The following FNDC3B variants were observed in gnomAD, a reference collection of about 807,000 sequenced individuals.
FNDC3B encodes fibronectin type III domain containing 3B.
Under a neutral mutation model 151.5 loss-of-function variants are expected in FNDC3B, and 12 were observed. The ratio of observed to expected loss-of-function variants is 0.08; its 90% CI spans 0.05 to 0.13. FNDC3B has a LOEUF of 0.13. FNDC3B is among the 10% of genes least tolerant of loss of function. FNDC3B has a pLI of 1.00. For missense variants in FNDC3B, 1,214 were observed against 1,505.3 expected (o/e 0.81, Z 3.20); for synonymous variants, 528 against 549.0 (o/e 0.96, Z 0.54).
At chr3:172,306,611 A>T (rs1700078593) in intron 9 of FNDC3B, among the ~76,000 whole-genome samples, 2 of 152,252 alleles carry the variant, frequency 1.3e-5, no homozygotes, top group Non-Finnish European at 2.9e-5. Flanking sequence ...AAATCAGCAT[A>T]GCCCTATTTT....
chr3:172,363,452 G>A (rs1037886014), intron 23 of FNDC3B, among the ~76,000 whole-genome samples: 2 of 152,138 alleles, frequency 1.3e-5, no homozygotes, highest in Non-Finnish European at 2.9e-5. Context: ...GAAAATGTCC[G>A]ATCAGAAGAC....
intron 3 of FNDC3B, among the ~76,000 whole-genome samples, chr3:172,171,875 T>TTA (rs1723302767): frequency 6.6e-6 from 1 of 152,142 alleles, no homozygotes; most frequent in African/African-American, 2.4e-5. Context: ...GCCCTGTACT[T>TTA]TAGCACCACT....
chr3:172,254,339 A>G (rs2108779758), intron 6 of FNDC3B, among the ~76,000 whole-genome samples: 2 of 152,172 alleles, frequency 1.3e-5, no homozygotes, highest in South Asian at 4.1e-4. Context: ...CAGAATCTTC[A>G]TACCACTTTT....
chr3:172,298,841 A>G, intron 9 of FNDC3B, 54 bp downstream of exon 9: 1 of 1,298,060 alleles, frequency 7.7e-7, no homozygotes, highest in Non-Finnish European at 1.1e-6. Context: ...TGGCTAAAGC[A>G]AAAACATGTA....
chr3:172,362,567 A>T, intron 22 of FNDC3B, 66 bp from the exon 23 acceptor site: 1 of 1,185,112 alleles, frequency 8.4e-7, no homozygotes, highest in Non-Finnish European at 1.3e-6. Flanking sequence ...CTCAATGTTT[A>T]TTTCGAATGA....
chr3:172,075,047 G>T (rs973531308), intron 1 of FNDC3B, among the ~76,000 whole-genome samples: 1 of 152,114 alleles, frequency 6.6e-6, no homozygotes, highest in South Asian at 2.1e-4. Context: ...CCTTGTCTTT[G>T]TGTCTTCTAA....
intron 3 of FNDC3B, among the ~76,000 whole-genome samples, chr3:172,206,053 G>A (rs937751933): frequency 1.3e-5 from 2 of 152,132 alleles, no homozygotes; most frequent in Admixed American, 1.3e-4. Flanking sequence ...ATTGAGCGGG[G>A]ATATGTTTAT....
At chr3:172,354,745 T>C (rs1162973354) in intron 22 of FNDC3B, among the ~76,000 whole-genome samples, 3 of 151,962 alleles carry the variant, frequency 2.0e-5, no homozygotes, top group African/African-American at 4.8e-5. Context: ...CTTTTTTCTG[T>C]CCTATAAATT....
At chr3:172,060,447 A>C (rs1717142536) in intron 1 of FNDC3B, among the ~76,000 whole-genome samples, 1 of 152,048 alleles carries the variant, frequency 6.6e-6, no homozygotes, top group African/African-American at 2.4e-5. Context: ...ATGGTGAGAG[A>C]AAACCCTAAA....
At chr3:172,394,105 C>CAAAAAAAAAA (rs1736152891) in intron 25 of FNDC3B, among the ~76,000 whole-genome samples, 1 of 6,228 alleles carries the variant, frequency 1.6e-4, no homozygotes, top group African/African-American at 4.9e-4. Flanking sequence ...GAGACTCCTT[C>CAAAAAAAAAA]TAAAAAAAAA....
At chr3:172,208,245 T>C (rs1725531637) in intron 3 of FNDC3B, among the ~76,000 whole-genome samples, 1 of 152,202 alleles carries the variant, frequency 6.6e-6, no homozygotes, top group South Asian at 2.1e-4. Context: ...TCTGACATTT[T>C]CCCCCAACTC....
intron 6 of FNDC3B, among the ~76,000 whole-genome samples, chr3:172,277,631 A>T (rs1448750243): frequency 6.6e-6 from 1 of 152,222 alleles, no homozygotes; most frequent in Non-Finnish European, 1.5e-5. Flanking sequence ...TAGATTAAAA[A>T]TGTTTTAAAA....
intron 1 of FNDC3B, among the ~76,000 whole-genome samples, chr3:172,069,200 G>A (rs1168438066): frequency 6.6e-6 from 1 of 152,180 alleles, no homozygotes; most frequent in East Asian, 1.9e-4. Context: ...CAATTTAGCA[G>A]GTCACTCTAG....
chr3:172,187,458 A>G (rs1365006434), intron 3 of FNDC3B, among the ~76,000 whole-genome samples: 1 of 152,184 alleles, frequency 6.6e-6, no homozygotes, highest in African/African-American at 2.4e-5. Flanking sequence ...GCCACTTGGT[A>G]AATACTGGAG....
Position 172,244,617 on chromosome 3 carries a change from C to CTTTTTT in FNDC3B, c.265-2896_265-2891dup, listed in dbSNP as rs11294678. 9.0e-3 allele frequency among the ~76,000 whole-genome samples: 660 copies of CTTTTTT among 73,112 alleles called. 17 individuals are homozygous for CTTTTTT. Among genetic ancestry groups the CTTTTTT allele is most frequent in the African/African-American group, 0.01 (165 of 15,946 alleles). 48.0% of individuals were successfully genotyped at this position (73,112 alleles called of 152,430 possible). ...TACTATTTCAGAATTAATATTTCAC[C>CTTTTTT]TTTTTTTTTTTTTTTTTTTTTTTTT... On this transcript the variant is annotated intron_variant, in intron 4 of 25. Coordinates refer to ENST00000415807, the MANE Select transcript of FNDC3B (RefSeq NM_022763.4).
At chr3:172,392,699 G>A (rs964725160) in intron 25 of FNDC3B, among the ~76,000 whole-genome samples, 1 of 151,138 alleles carries the variant, frequency 6.6e-6, no homozygotes, top group Non-Finnish European at 1.5e-5. Context: ...GCAAAGGTGA[G>A]TTTGTTGGAA....
At chr3:172,358,120 C>T (rs12631267) in intron 22 of FNDC3B, among the ~76,000 whole-genome samples, 4 of 152,186 alleles carry the variant, frequency 2.6e-5, no homozygotes, top group East Asian at 1.9e-4. Context: ...GTTCTGCTCA[C>T]GCCTGGATCT....
At chr3:172,147,492 AT>A (rs974603454) in intron 3 of FNDC3B, among the ~76,000 whole-genome samples, 3 of 151,792 alleles carry the variant, frequency 2.0e-5, no homozygotes, top group Non-Finnish European at 4.4e-5. Flanking sequence ...CCTAGGAATC[AT>A]TTTGTTGCTT....
At chr3:172,268,055 T>C (rs1180030255) in intron 6 of FNDC3B, among the ~76,000 whole-genome samples, 1 of 152,218 alleles carries the variant, frequency 6.6e-6, no homozygotes, top group African/African-American at 2.4e-5. Flanking sequence ...GTAATAAACT[T>C]GTATCTTAGA....
Sources: gnomAD v4.1 joint callset for allele counts (sites outside exome capture counted in the v4.1 genomes callset) on GRCh38, gnomAD v4.1.1 for gene constraint, MANE v1.5 for transcripts, NCBI Gene and HGNC (gene_info 2026-07-23, HGNC 2026-07-21) for gene names.